The following TSR3 variants were observed in gnomAD, a reference collection of about 807,000 sequenced individuals.
The protein encoded by TSR3 is 18S rRNA aminocarboxypropyltransferase.
A neutral mutation model predicts 28.1 loss-of-function variants in TSR3; 31 were observed. The observed-to-expected ratio is 1.10, with a 90% confidence interval of 0.83 to 1.49. The LOEUF is 1.49. Ranked by LOEUF, TSR3 falls within the 40% of genes most tolerant of loss-of-function variation. TSR3 has a pLI of 0.00. For synonymous variants in TSR3, 219 were observed against 197.2 expected (o/e 1.11, Z -0.93); for missense variants, 511 against 444.0 (o/e 1.15, Z -1.36).
In TSR3 at chr16:1,350,800, G is replaced by A; in HGVS notation, c.526+7C>T. The A allele has an allele frequency of 6.2e-7, 1 of 1,610,910 alleles. No homozygotes were observed. Among genetic ancestry groups the A allele is most frequent in the Non-Finnish European group, 8.5e-7 (1 of 1,178,386 alleles). ...GGGTCACACTGCTGTGGGGCCCCTG[G>A]ACTCACCTACGATGCAGAAGGTGGC... On this transcript the variant is annotated splice_region_variant and intron_variant, in intron 3 of 5. Transcript: ENST00000007390.
At chr16:1,351,232 C>T (rs1421669558) in intron 2 of TSR3, 147 bp downstream of exon 2, 2 of 1,005,632 alleles carry the variant, frequency 2.0e-6, no homozygotes, top group African/African-American at 1.6e-5. Context: ...CCAGGCTCTG[C>T]GCTACGCAAC....
In TSR3 at chr16:1,351,740, G is replaced by C; in HGVS notation, c.65C>G (p.Thr22Arg). ...AEGGRPRHLP[T>R]RSLEAFAEEV... ...CTCGGCGAAGGCCTCCAGGGAGCGCGTCGGGAGGTGCCGAGGGCGGCCGCC... is the reference window on the plus strand; with the variant it reads ...CTCGGCGAAGGCCTCCAGGGAGCGCCTCGGGAGGTGCCGAGGGCGGCCGCC... The change falls in exon 1 of 6, where the codon ACG becomes AGG. Residue 22 changes from threonine (T) to arginine (R), a missense_variant. Thr to Arg is a moderately conservative substitution (Grantham distance 71). Coordinates refer to ENST00000007390, the MANE Select transcript of TSR3 (RefSeq NM_001001410.3). 7.3e-7 allele frequency: 1 copy of C among 1,364,200 alleles called. No individual in the cohort carries two copies. Among genetic ancestry groups the C allele is most frequent in the Non-Finnish European group, 9.4e-7 (1 of 1,063,586 alleles). The allele number at this position is 1,364,200 out of a possible 1,614,324, so 84.5% of individuals were successfully genotyped here.
rs748607516 is a variant in TSR3, at chr16:1,349,378, C to T, written c.*59G>A. ...CCGAGGCTGCCAGGCCCATTTATGT[C>T]CCTCATGTCTCTAGATTTTCTCGTC... On this transcript the variant is annotated 3_prime_UTR_variant, in exon 6 of 6. Transcript: ENST00000007390. 2 of 1,599,248 alleles carry T rather than the reference C, an allele frequency of 1.3e-6. No homozygotes were observed. The highest frequency in any genetic ancestry group is 1.1e-5 in the South Asian group (1 of 90,422).
rs766072333 is a variant in TSR3 at position 1,349,419 on chromosome 16, T to C, written c.*18A>G. 4 of 1,613,548 alleles carry C rather than the reference T, an allele frequency of 2.5e-6. No homozygotes were observed. The highest frequency in any genetic ancestry group is 3.3e-5 in the Admixed American group (2 of 59,990). ...TTTTCTCGTCACCCAGCCTCAAAAA[T>C]ATATGTGTCTGCAACCCTCAGTCTC... On this transcript the variant is annotated 3_prime_UTR_variant, in exon 6 of 6. Transcript: ENST00000007390.
rs912474171 is a variant in TSR3 at position 1,350,729 on chromosome 16, G to A, written c.526+78C>T. The A allele has an allele frequency of 4.0e-6, 6 of 1,502,684 alleles. No homozygotes were observed. The Admixed American group carries it at 5.3e-5, about 13-fold the overall frequency. 93.1% of individuals were successfully genotyped at this position (1,502,684 alleles called of 1,614,324 possible). ...CCTTATGCTCCTCCTGGGGTCTGTC[G>A]GCAGGAAACATGATGCTGGGAGCAT... On this transcript the variant is annotated intron_variant, in intron 3 of 5. Transcript: ENST00000007390.
rs377359576 is a variant in TSR3, at chr16:1,350,254, G to A, written c.527-20C>T. On this transcript the variant is annotated intron_variant, in intron 3 of 5. Coordinates refer to ENST00000007390, the MANE Select transcript of TSR3 (RefSeq NM_001001410.3). ...GAAAGCCTGACGGTGTGAGAAACAG[G>A]AAACCCAAAGAAGTCGACGGTCCCC... 1.0e-5 allele frequency: 16 copies of A among 1,568,946 alleles called. No individual in the cohort carries two copies. Among genetic ancestry groups the A allele is most frequent in the Non-Finnish European group, 1.4e-5 (16 of 1,161,660 alleles).
rs1412941724 is a variant in TSR3 at position 1,349,932 on chromosome 16, C to T, written c.724G>A (p.Gly242Arg). The T allele has an allele frequency of 5.0e-6, 8 of 1,613,638 alleles. No homozygotes were observed. The highest frequency in any genetic ancestry group is 6.8e-6 in the Non-Finnish European group (8 of 1,180,020). Residue 242 changes from glycine to arginine, a missense_variant, in exon 5 of 6, where the codon GGG (glycine) becomes AGG (arginine). By Grantham distance (125) the Gly-to-Arg change is moderately radical. Coordinates refer to ENST00000007390, the MANE Select transcript of TSR3 (RefSeq NM_001001410.3). ...CTGTTGGGGTTTCCAAACTCTCTCCCTGAATCCACATCGAAGGGATCTGAG... is the reference window on the plus strand; with the variant it reads ...CTGTTGGGGTTTCCAAACTCTCTCCTTGAATCCACATCGAAGGGATCTGAG... ...EEIDPFDVDS[G>R]REFGNPNRPV...
chr16:1,351,351 C>A (rs2034673573), intron 2 of TSR3, 28 bp downstream of exon 2: 1 of 1,555,164 alleles, frequency 6.4e-7, no homozygotes, highest in Admixed American at 1.9e-5. Context: ...GAAATGAAGA[C>A]GACCTCGGGC....
rs1322078899 is a variant in TSR3 at position 1,351,370 on chromosome 16, C to T, written c.332+9G>A. The T allele has an allele frequency of 1.3e-6, 2 of 1,573,120 alleles. No individual in the cohort carries two copies. Among genetic ancestry groups the T allele is most frequent in the East Asian group, 2.3e-5 (1 of 43,814 alleles). The stretch of plus-strand genomic sequence containing the variant: ...TGAAGACGACCTCGGGCAGGCCTCC[C>T]GCGCCTACCTGTCTGCGGGGGACGC... On this transcript the variant is annotated intron_variant, in intron 2 of 5. Transcript: ENST00000007390.
rs1345343048 is a variant in TSR3 at position 1,350,060 on chromosome 16, A to G, written c.701T>C (p.Ile234Thr). 4 of 1,607,668 alleles carry G rather than the reference A, an allele frequency of 2.5e-6. No homozygotes were observed. The highest frequency in any genetic ancestry group is 3.4e-6 in the Non-Finnish European group (4 of 1,175,996). ...NAKESPQEEE[I>T]DPFDVDSGRE... is the part of the protein sequence containing the mutation. ...GTTCCCACCCCGCCAAGGCTCACCG[A>G]TCTCCTCCTCCTGGGGGCTCTCCTT... Residue 234 changes from isoleucine to threonine, a missense_variant and splice_region_variant, in exon 4 of 6, where the codon ATC becomes ACC. By Grantham distance (89) the Ile-to-Thr change is moderately conservative (BLOSUM62 -1). Coordinates refer to ENST00000007390, the MANE Select transcript of TSR3 (RefSeq NM_001001410.3).
chr16:1,350,025 G>A, intron 4 of TSR3, 33 bp downstream of exon 4: 1 of 1,610,260 alleles, frequency 6.2e-7, no homozygotes, highest in Non-Finnish European at 8.5e-7. Context: ...CCAGGCTTTG[G>A]AGGGCCTTGG....
Position 1,350,142 on chromosome 16 carries a change from C to A in TSR3, c.619G>T (p.Ala207Ser). The A allele has an allele frequency of 6.2e-7, 1 of 1,612,454 alleles. No homozygotes were observed. The highest frequency in any genetic ancestry group is 8.5e-7 in the Non-Finnish European group (1 of 1,179,816). Residue 207 changes from alanine (A) to serine (S), a missense_variant, in exon 4 of 6, where the codon GCC becomes TCC. Coordinates refer to ENST00000007390, the MANE Select transcript of TSR3 (RefSeq NM_001001410.3). ...LNRQLLDKYAACGSPEEVLQA... is the reference protein window; with the variant it reads ...LNRQLLDKYASCGSPEEVLQA... Reference sequence around the variant, plus strand: ...AGCACCTCCTCCGGGCTGCCGCAGGCCGCGTACTTGTCCAGGAGCTGGCGG... The same window carrying A: ...AGCACCTCCTCCGGGCTGCCGCAGGACGCGTACTTGTCCAGGAGCTGGCGG...
rs373831657 is a variant in TSR3, at chr16:1,350,794, C to T, written c.526+13G>A. 4.7e-5 allele frequency: 75 copies of T among 1,609,740 alleles called. No homozygotes were observed. The highest frequency in any genetic ancestry group is 5.9e-5 in the Non-Finnish European group (69 of 1,177,792). On this transcript the variant is annotated intron_variant, in intron 3 of 5. Transcript: ENST00000007390. The stretch of plus-strand genomic sequence containing the variant: ...GCCGCCGGGTCACACTGCTGTGGGG[C>T]CCCTGGACTCACCTACGATGCAGAA...
Position 1,351,835 on chromosome 16 carries a change from A to C in TSR3, c.-31T>G, listed in dbSNP as rs1201079335. On this transcript the variant is annotated 5_prime_UTR_variant, in exon 1 of 6. Transcript: ENST00000007390. ...GGACCTGGGGTGCCGGGGACTCCCC[A>C]CCCCACGGCCGCGCCCCTCGGCCTC... 1.8e-5 allele frequency: 23 copies of C among 1,281,938 alleles called. No homozygotes were observed. Among genetic ancestry groups the C allele is most frequent in the Non-Finnish European group, 2.3e-5 (23 of 1,019,136 alleles). The allele number at this position is 1,281,938 out of a possible 1,614,324, so 79.4% of individuals were successfully genotyped here.
At chr16:1,349,665 C>T in intron 5 of TSR3, 57 bp from the exon 6 acceptor site, 1 of 1,531,856 alleles carries the variant, frequency 6.5e-7, no homozygotes, top group African/African-American at 1.4e-5. Context: ...TAGCTGGAGT[C>T]AACGTCATCC....
At position 1,350,012 on chromosome 16, in the gene TSR3, C is replaced by A. The variant is rs774553826; in HGVS notation, c.703+46G>T. 14 of 1,610,984 alleles carry A rather than the reference C, an allele frequency of 8.7e-6. No individual in the cohort carries two copies. In the South Asian group the frequency reaches 8.8e-5, roughly 10 times the overall value. On this transcript the variant is annotated intron_variant, in intron 4 of 5. Coordinates refer to ENST00000007390, the MANE Select transcript of TSR3 (RefSeq NM_001001410.3). ...CTCAGAGCAGGACCAGGCCTCCCAC[C>A]CCCCAGGCTTTGGAGGGCCTTGGTT...
At chr16:1,350,343 C>T (rs1161543484) in intron 3 of TSR3, 109 bp from the exon 4 acceptor site, 1 of 1,216,674 alleles carries the variant, frequency 8.2e-7, no homozygotes, top group Non-Finnish European at 1.1e-6. Context: ...CGCAGGGTCC[C>T]CAGCAAACAT....
In TSR3 at chr16:1,351,490, G is replaced by C; in HGVS notation, c.221C>G (p.Thr74Arg). Residue 74 changes from threonine (T) to arginine (R), a missense_variant, in exon 2 of 6, where the codon ACG becomes AGG. By Grantham distance (71) the Thr-to-Arg change is moderately conservative. Transcript: ENST00000007390. ...CCCCAGGCGGGCCAGCTTGCGGCCC[G>C]TGCAGCGCCGGGGGTCGCAGTGGCC... is the stretch of plus-strand genomic sequence containing the variant. ...ELGHCDPRRC[T>R]GRKLARLGLV... The C allele has an allele frequency of 6.4e-7, 1 of 1,565,510 alleles. No homozygotes were observed. The highest frequency in any genetic ancestry group is 8.6e-7 in the Non-Finnish European group (1 of 1,164,210).
rs1368831840 is a variant in TSR3 at position 1,350,975 on chromosome 16, C to A, written c.358G>T (p.Ala120Ser). The A allele has an allele frequency of 6.2e-7, 1 of 1,612,094 alleles. No individual in the cohort carries two copies. The highest frequency in any genetic ancestry group is 1.7e-5 in the Admixed American group (1 of 60,004). The change falls in exon 3 of 6, where the codon GCC (alanine) becomes TCC (serine). Residue 120 changes from alanine (A) to serine (S), a missense_variant. Ala to Ser is a moderately conservative substitution (Grantham distance 99). Coordinates refer to ENST00000007390, the MANE Select transcript of TSR3 (RefSeq NM_001001410.3). ...CTGGCCCAGGAGCAGTCGATGACGG[C>A]GACCCCAGACTGCGCCACCAGCTGT... The part of the protein sequence containing the change: ...DRQLVAQSGV[A>S]VIDCSWARLD...
Sources: allele counts gnomAD v4.1 joint callset, GRCh38; gene constraint gnomAD v4.1.1; transcripts MANE v1.5; gene names NCBI Gene and HGNC (gene_info 2026-07-23, HGNC 2026-07-21).